Variants in NELL1 observed in about 807,000 individuals in gnomAD.
NELL1 encodes the protein protein kinase C-binding protein NELL1.
A neutral mutation model predicts 107.4 loss-of-function variants in NELL1; 76 were observed. The ratio of observed to expected loss-of-function variants is 0.71; its 90% CI spans 0.59 to 0.86. The LOEUF (loss-of-function observed/expected upper bound fraction) is 0.86, where lower values mean the gene tolerates loss of function less well. NELL1 is among the 40% of genes least tolerant of loss of function. The probability of loss-of-function intolerance (pLI) is 0.00; values close to 1 mark genes in which losing one functional copy is unlikely to be tolerated. For missense variants in NELL1, 1,024 were observed against 1,005.5 expected (o/e 1.02, Z -0.25); for synonymous variants, 353 against 341.2 (o/e 1.03, Z -0.38).
chr11:21,181,997 C>T (rs891658130), intron 13 of NELL1, among the ~76,000 whole-genome samples: 4 of 151,868 alleles, frequency 2.6e-5, no homozygotes, highest in Non-Finnish European at 5.9e-5. Flanking sequence ...GAAGTAAATA[C>T]TGTTATTATC....
intron 15 of NELL1, among the ~76,000 whole-genome samples, chr11:21,517,269 CTA>C (rs1160701316): frequency 6.6e-6 from 1 of 152,238 alleles, no homozygotes; most frequent in East Asian, 1.9e-4. Flanking sequence ...TCAATGAAAA[CTA>C]TGTTTTATGT....
At chr11:20,864,527 G>A (rs1400329819) in intron 4 of NELL1, among the ~76,000 whole-genome samples, 1 of 152,204 alleles carries the variant, frequency 6.6e-6, no homozygotes, top group African/African-American at 2.4e-5. Flanking sequence ...ATCAAAGAGG[G>A]GAAAGAGTAT....
At chr11:20,863,356 G>A (rs71453102) in intron 4 of NELL1, among the ~76,000 whole-genome samples, 10 of 55,910 alleles carry the variant, frequency 1.8e-4, no homozygotes, top group South Asian at 1.2e-3. Context: ...GCGGCTGGCC[G>A]GGCGGGGGCT....
chr11:21,447,743 C>CTT (rs1322814045), intron 15 of NELL1, among the ~76,000 whole-genome samples: 2 of 152,258 alleles, frequency 1.3e-5, no homozygotes, highest in Non-Finnish European at 2.9e-5. Flanking sequence ...TGGCTTGTAT[C>CTT]TTACTTGGGA....
At chr11:21,361,995 A>G (rs2133739022) in intron 14 of NELL1, among the ~76,000 whole-genome samples, 1 of 152,186 alleles carries the variant, frequency 6.6e-6, no homozygotes, top group South Asian at 2.1e-4. Context: ...CAATTCAGAG[A>G]CTTCTTCTGG....
intron 12 of NELL1, among the ~76,000 whole-genome samples, chr11:21,045,836 A>T (rs769590563): frequency 6.6e-6 from 1 of 152,288 alleles, no homozygotes; most frequent in African/African-American, 2.4e-5. Context: ...TTAGTCATAA[A>T]TGCCTTTCCA....
At chr11:20,820,001 A>G (rs928192824) in intron 3 of NELL1, among the ~76,000 whole-genome samples, 1 of 152,164 alleles carries the variant, frequency 6.6e-6, no homozygotes, top group Non-Finnish European at 1.5e-5. Flanking sequence ...CTGGAGAGTG[A>G]GATAAGGTTC....
At position 21,149,586 on chromosome 11, in the gene NELL1, G is replaced by A. The variant is rs774786915; in HGVS notation, c.1426+35872G>A. Among the ~76,000 whole-genome samples the A allele has an allele frequency of 3.9e-4, 60 of 152,256 alleles. 1 individual carries two copies. The highest frequency in any genetic ancestry group is 1.9e-3 in the South Asian group (9 of 4,820). ...TCATTTATCTCCACCTGACCCCACC[G>A]TTGACACATGGGGATTATTGTAATT... On this transcript the variant is annotated intron_variant, in intron 13 of 19. Transcript: ENST00000357134.
intron 5 of NELL1, among the ~76,000 whole-genome samples, chr11:20,893,206 A>T (rs1053904462): frequency 6.6e-6 from 1 of 151,966 alleles, no homozygotes; most frequent in Admixed American, 6.6e-5. Flanking sequence ...GGAGTTTAAC[A>T]TTAAGAACAC....
At chr11:21,052,305 A>G (rs1043924874) in intron 12 of NELL1, among the ~76,000 whole-genome samples, 6 of 152,072 alleles carry the variant, frequency 3.9e-5, no homozygotes, top group African/African-American at 1.4e-4. Context: ...TTGGGACCAC[A>G]GAAGAGTCTG....
chr11:21,273,898 G>C (rs545066047), intron 14 of NELL1, among the ~76,000 whole-genome samples: 1 of 152,260 alleles, frequency 6.6e-6, no homozygotes, highest in Non-Finnish European at 1.5e-5. Flanking sequence ...AGCTCCTGAA[G>C]GAAGCACTAA....
intron 15 of NELL1, among the ~76,000 whole-genome samples, chr11:21,410,431 A>C (rs1234832240): frequency 6.6e-6 from 1 of 151,870 alleles, no homozygotes; most frequent in Non-Finnish European, 1.5e-5. Flanking sequence ...AGCAGAGGAG[A>C]GAAGAGAAAA....
chr11:20,903,145 T>C (rs925561993), intron 5 of NELL1, among the ~76,000 whole-genome samples: 26 of 152,128 alleles, frequency 1.7e-4, no homozygotes, highest in African/African-American at 6.0e-4. Context: ...AATCCACATA[T>C]ATATGTGAAT....
At chr11:21,093,847 C>CA (rs956123948) in intron 12 of NELL1, among the ~76,000 whole-genome samples, 22 of 152,140 alleles carry the variant, frequency 1.4e-4, no homozygotes, top group African/African-American at 4.8e-4. Context: ...GTCCTTCACA[C>CA]AACACATGGG....
chr11:21,515,376 C>A (rs1855531529), intron 15 of NELL1, among the ~76,000 whole-genome samples: 1 of 152,124 alleles, frequency 6.6e-6, no homozygotes, highest in African/African-American at 2.4e-5. Context: ...CAGATATCAT[C>A]AACTAGAATC....
chr11:21,177,446 C>T (rs1856736626), intron 13 of NELL1, among the ~76,000 whole-genome samples: 1 of 151,782 alleles, frequency 6.6e-6, no homozygotes, highest in South Asian at 2.1e-4. Context: ...ACATTTCTTA[C>T]TTGTTTAAGG....
chr11:20,987,325 T>C (rs1388474520), intron 12 of NELL1, among the ~76,000 whole-genome samples: 1 of 152,224 alleles, frequency 6.6e-6, no homozygotes, highest in African/African-American at 2.4e-5. Flanking sequence ...ATCCCTTCTC[T>C]ACAAGTTACT....
intron 15 of NELL1, among the ~76,000 whole-genome samples, chr11:21,480,950 T>C (rs1447682219): frequency 6.6e-6 from 1 of 152,214 alleles, no homozygotes; most frequent in Non-Finnish European, 1.5e-5. Context: ...TATGACTATA[T>C]GTATATAGTC....
At chr11:21,219,788 T>C (rs934498885) in intron 13 of NELL1, among the ~76,000 whole-genome samples, 11 of 152,174 alleles carry the variant, frequency 7.2e-5, no homozygotes, top group Non-Finnish European at 1.5e-5. Context: ...AGTTGGCTGT[T>C]TTATTAGTCT....
Sources: allele counts gnomAD v4.1 joint callset (sites outside exome capture counted in the v4.1 genomes callset), GRCh38; gene constraint gnomAD v4.1.1; transcripts MANE v1.5; gene names NCBI Gene and HGNC (gene_info 2026-07-23, HGNC 2026-07-21).